The following TRPV2 variants were observed in gnomAD, a reference collection of about 807,000 sequenced individuals.
The protein encoded by TRPV2 is OTRPC2.
A neutral mutation model predicts 91.0 loss-of-function variants in TRPV2; 58 were observed. The observed-to-expected ratio is 0.64, with a 90% CI of 0.52 to 0.79. TRPV2 has a LOEUF of 0.79. Ranked by LOEUF, TRPV2 falls within the 30% of genes least tolerant of loss-of-function variation. The pLI is 0.00. For synonymous variants in TRPV2, 417 were observed against 414.8 expected, an observed-to-expected ratio of 1.01 and a Z score of -0.06; for missense variants, 807 against 969.6, an observed-to-expected ratio of 0.83 and a Z score of 2.23.
chr17:16,419,990 G>T lies in TRPV2; in HGVS notation c.201-125G>T, dbSNP rs183476413. The T allele has an allele frequency of 2.9e-5, 40 of 1,374,318 alleles. No individual in the cohort carries two copies. The East Asian group carries it at 9.5e-4, about 32-fold the overall frequency. 85.1% of individuals were successfully genotyped at this position (1,374,318 alleles called of 1,614,324 possible). ...GAGGCCCTCAGAAGGGCTCTCACTG[G>T]GCTCCTGGGCCTGAGGGGTGTGCAG... On this transcript the variant is annotated intron_variant, in intron 2 of 14. Transcript: ENST00000338560.
intron 12 of TRPV2, among the ~76,000 whole-genome samples, chr17:16,432,767 C>T (rs1349922163): frequency 1.3e-5 from 2 of 151,638 alleles, no homozygotes; most frequent in Non-Finnish European, 2.9e-5. Context: ...GCTCAATGTG[C>T]TACCAGCTAC....
rs547931570 is a variant in TRPV2, at chr17:16,421,221, T to C, written c.334+973T>C. 2.6e-5 allele frequency among the ~76,000 whole-genome samples: 4 copies of C among 152,236 alleles called. No individual in the cohort carries two copies. In the East Asian group the frequency reaches 7.7e-4, roughly 29 times the overall value. ...CTTTGTTTATATTATTCCCCTTTTT[T>C]TTTTTGGAGACGGAGTCTTGCTCTG... On this transcript the variant is annotated intron_variant, in intron 3 of 14. Transcript: ENST00000338560.
At chr17:16,421,219 T>C (rs2093354902) in intron 3 of TRPV2, among the ~76,000 whole-genome samples, 3 of 151,988 alleles carry the variant, frequency 2.0e-5, no homozygotes. Flanking sequence ...ATTCCCCTTT[T>C]TTTTTTTGGA....
chr17:16,426,112 T>G lies in TRPV2; in HGVS notation c.938T>G (p.Ile313Ser). 1.9e-6 allele frequency: 3 copies of G among 1,614,130 alleles called. No homozygotes were observed. Among genetic ancestry groups the G allele is most frequent in the Non-Finnish European group, 2.5e-6 (3 of 1,180,006 alleles). Residue 313 changes from isoleucine (I) to serine (S), a missense_variant, in exon 6 of 15, where the codon ATC becomes AGC. Ile to Ser is a moderately radical substitution (Grantham distance 142, BLOSUM62 -2). Transcript: ENST00000338560. This position sits in a 1 kb window ranked among gnomAD's most constrained non-coding sequence, Gnocchi z 6.0. ...GCCACCCTGCAGATTTTCAGGCACA[T>G]CCTGCAGCGGGAGTTTTCAGGACTG... ...KEGKIEIFRH[I>S]LQREFSGLSH... is the part of the protein sequence containing the mutation.
In TRPV2 at chr17:16,426,898, G is replaced by A. The variant is rs1037595255; in HGVS notation, c.1251+21G>A. On this transcript the variant is annotated intron_variant, in intron 7 of 14. Transcript: ENST00000338560. The surrounding 1 kb of genome is among the most constrained non-coding windows in gnomAD (Gnocchi z 6.0). ...AGAAGGCAAGGGCGTGAGGTTTGGG[G>A]GGGCACATCTTGGGGGAGGCCTGCT... 2 of 1,607,446 alleles carry A rather than the reference G, an allele frequency of 1.2e-6. 1 individual carries two copies. The highest frequency in any genetic ancestry group is 2.2e-5 in the South Asian group (2 of 90,418).
chr17:16,418,378 A>G (rs1433917501), intron 2 of TRPV2, among the ~76,000 whole-genome samples: 2 of 152,140 alleles, frequency 1.3e-5, no homozygotes, highest in Admixed American at 6.5e-5. Flanking sequence ...CTTTCCACCA[A>G]TTCAGACTGT....
intron 12 of TRPV2, among the ~76,000 whole-genome samples, chr17:16,432,625 G>A (rs914605872): frequency 6.6e-6 from 1 of 151,670 alleles, no homozygotes; most frequent in Non-Finnish European, 1.5e-5. Context: ...ATTTTTTGTA[G>A]AGAAGAAGGT....
chr17:16,422,109 C>T (rs2078616148), intron 3 of TRPV2, among the ~76,000 whole-genome samples: 1 of 151,618 alleles, frequency 6.6e-6, no homozygotes, highest in Admixed American at 6.6e-5. Context: ...TCGAGACCAT[C>T]CTGGCTAACA....
chr17:16,419,281 G>T, intron 2 of TRPV2: 4 of 469,838 alleles, frequency 8.5e-6, no homozygotes, highest in South Asian at 4.6e-5. Flanking sequence ...GTCACCAGAC[G>T]CTGCTAGATT....
Position 16,415,793 on chromosome 17 carries a change from G to A in TRPV2, c.-148G>A, listed in dbSNP as rs1372554290. 2.6e-5 allele frequency: 4 copies of A among 152,326 alleles called. No homozygotes were observed. The highest frequency in any genetic ancestry group is 5.9e-5 in the Non-Finnish European group (4 of 68,162). The allele number at this position is 152,326 out of a possible 1,614,324, so 9.4% of individuals were successfully genotyped here. On this transcript the variant is annotated 5_prime_UTR_variant, in exon 1 of 15. Coordinates refer to ENST00000338560, the MANE Select transcript of TRPV2 (RefSeq NM_016113.5). The surrounding 1 kb of genome is among the most constrained non-coding windows in gnomAD (Gnocchi z 4.5). ...GCAGCCCCTGCTACTGAGAAGCTCC[G>A]GGATCCCAGCAGCCGCCACGCCCTG...
intron 10 of TRPV2, among the ~76,000 whole-genome samples, chr17:16,430,298 A>T (rs1459896810): frequency 6.6e-6 from 1 of 152,004 alleles, no homozygotes; most frequent in East Asian, 1.9e-4. Context: ...CCCATTAAAC[A>T]ACTCCCCATT....
At position 16,422,730 on chromosome 17, in the gene TRPV2, T is replaced by C; in HGVS notation, c.466T>C (p.Cys156Arg). Residue 156 changes from cysteine (C) to arginine (R), a missense_variant, in exon 4 of 15, where the codon TGC (cysteine) becomes CGC (arginine). Physicochemically the swap from Cys to Arg is radical, Grantham distance 180. Transcript: ENST00000338560. ...TCCTCAGCCCCTGGTAAATGCCCAG[T>C]GCACAGATGACTATTACCGAGGCCA... ...GNPQPLVNAQ[C>R]TDDYYRGHSA... 2 of 1,599,028 alleles carry C rather than the reference T, an allele frequency of 1.3e-6. No individual in the cohort carries two copies. The highest frequency in any genetic ancestry group is 8.5e-7 in the Non-Finnish European group (1 of 1,171,982).
chr17:16,436,784 T>C lies in TRPV2; in HGVS notation c.2195-5T>C. On this transcript the variant is annotated splice_polypyrimidine_tract_variant and splice_region_variant and intron_variant, in intron 14 of 14. Coordinates refer to ENST00000338560, the MANE Select transcript of TRPV2 (RefSeq NM_016113.5). ...TAAGCTACAGTGCTTGCCATCTGTT[T>C]ACAGGAACTCTCGAGAACCCTGTCC... The C allele has an allele frequency of 6.2e-7, 1 of 1,611,156 alleles. No homozygotes were observed. Among genetic ancestry groups the C allele is most frequent in the Non-Finnish European group, 8.5e-7 (1 of 1,177,302 alleles).
intron 3 of TRPV2, among the ~76,000 whole-genome samples, chr17:16,422,378 G>A (rs968124960): frequency 3.3e-5 from 5 of 151,660 alleles, no homozygotes; most frequent in East Asian, 1.9e-4. Flanking sequence ...AAGAAATTTC[G>A]TTTCTAGGGC....
Position 16,423,679 on chromosome 17 carries a change from G to T in TRPV2, c.836G>T (p.Arg279Leu), listed in dbSNP as rs768687169. 6.2e-7 allele frequency: 1 copy of T among 1,614,072 alleles called. No homozygotes were observed. Among genetic ancestry groups the T allele is most frequent in the Non-Finnish European group, 8.5e-7 (1 of 1,180,002 alleles). Residue 279 changes from arginine to leucine, a missense_variant, in exon 5 of 15, where the codon CGC (arginine) becomes CTC (leucine). Coordinates refer to ENST00000338560, the MANE Select transcript of TRPV2 (RefSeq NM_016113.5). ...GATGGGCTCCTCCAAGCTGGGGCCC[G>T]CCTCTGCCCTACCGTGCAGCTTGAG... ...MYDGLLQAGA[R>L]LCPTVQLEDI...
chr17:16,428,428 A>G lies in TRPV2; in HGVS notation c.1421+41A>G, dbSNP rs9896409. ...CTCCTCCTTCTCTCAACTGTCTCTG[A>G]GGTCTGGAAGGGGCAGTTGTGGCAG... On this transcript the variant is annotated intron_variant, in intron 9 of 14. Coordinates refer to ENST00000338560, the MANE Select transcript of TRPV2 (RefSeq NM_016113.5). 6.1e-4 allele frequency: 974 copies of G among 1,600,062 alleles called. 6 individuals carry two copies. In the African/African-American group the frequency reaches 0.011, roughly 19 times the overall value.
intron 1 of TRPV2, among the ~76,000 whole-genome samples, chr17:16,417,019 CA>C (rs1168967930): frequency 6.6e-6 from 1 of 152,076 alleles, no homozygotes; most frequent in African/African-American, 2.4e-5. Flanking sequence ...CAGGAAGTCC[CA>C]GAGGAAAAGT....
chr17:16,420,988 G>A (rs141155078), intron 3 of TRPV2, among the ~76,000 whole-genome samples: 22 of 152,258 alleles, frequency 1.4e-4, no homozygotes, highest in African/African-American at 4.8e-4. Flanking sequence ...AATTTGTAAC[G>A]TGCTTTTCCT....
intron 10 of TRPV2, among the ~76,000 whole-genome samples, chr17:16,431,292 T>TACACATA (rs1491493192): frequency 5.5e-4 from 9 of 16,294 alleles, no homozygotes; most frequent in African/African-American, 2.7e-3. Flanking sequence ...TATATACATA[T>TACACATA]TTTTTTTTTT....
Sources: gnomAD v4.1 joint callset for allele counts (sites outside exome capture counted in the v4.1 genomes callset) on GRCh38, gnomAD v4.1.1 for gene constraint, Gnocchi (gnomAD v3.1) non-coding constraint, MANE v1.5 for transcripts, NCBI Gene and HGNC (gene_info 2026-07-23, HGNC 2026-07-21) for gene names.